The following SHANK2 variants were observed in gnomAD, a reference collection of about 807,000 sequenced individuals.
SHANK2 encodes SH3 and multiple ankyrin repeat domains 2.
Under a neutral mutation model 133.7 loss-of-function variants are expected in SHANK2, and 43 were observed. The ratio of observed to expected loss-of-function variants is 0.32; its 90% confidence interval spans 0.25 to 0.41. The LOEUF (loss-of-function observed/expected upper bound fraction) is 0.41, where lower values mean the gene tolerates loss of function less well. Among genes scored for constraint, SHANK2 ranks in the 10% least tolerant of loss-of-function variants. The probability of loss-of-function intolerance (pLI) is 1.00; values close to 1 mark genes in which losing one functional copy is unlikely to be tolerated. For missense variants in SHANK2, 1,994 were observed against 2,235.8 expected (o/e 0.89, Z 2.18); for synonymous variants, 1,017 against 952.8 (o/e 1.07, Z -1.24).
intron 14 of SHANK2, among the ~76,000 whole-genome samples, chr11:70,723,920 A>T (rs1221889956): frequency 1.3e-5 from 2 of 152,142 alleles, no homozygotes; most frequent in East Asian, 3.9e-4. Flanking sequence ...CTCTAGGGAC[A>T]GAAATAAGAG....
chr11:70,579,446 C>T (rs75284067), intron 17 of SHANK2, among the ~76,000 whole-genome samples: 4,478 of 152,326 alleles, frequency 0.029, 107 homozygotes, highest in East Asian at 0.097. Context: ...GTGGCGCTTG[C>T]AGGCCACCCC....
chr11:71,123,861 A>G (rs1490788374), intron 3 of SHANK2, among the ~76,000 whole-genome samples: 14 of 152,078 alleles, frequency 9.2e-5, no homozygotes, highest in Non-Finnish European at 2.1e-4. Flanking sequence ...TTGAGCTTCT[A>G]TCTTCTGTGC....
At chr11:70,712,787 CA>C (rs1266640007) in intron 14 of SHANK2, among the ~76,000 whole-genome samples, 2 of 152,240 alleles carry the variant, frequency 1.3e-5, no homozygotes, top group Non-Finnish European at 2.9e-5. Flanking sequence ...ACCACATGCT[CA>C]GGGGGCCACG....
chr11:70,661,034 G>A (rs1225447739), intron 16 of SHANK2, among the ~76,000 whole-genome samples: 1 of 152,348 alleles, frequency 6.6e-6, no homozygotes, highest in East Asian at 1.9e-4. Context: ...GACGGGCCAC[G>A]TAACGTGTGT....
intron 14 of SHANK2, among the ~76,000 whole-genome samples, chr11:70,702,297 T>TTCACCATCATCACCA (rs1945546087): frequency 7.1e-6 from 1 of 140,286 alleles, no homozygotes; most frequent in African/African-American, 2.7e-5. Context: ...CACCATCTTC[T>TTCACCATCATCACCA]TCACCATCAT....
In SHANK2 at chr11:70,807,137, G is replaced by A. The variant is rs975028045; in HGVS notation, c.1528C>T (p.Leu510Phe). The change falls in exon 13 of 26, where the codon CTC (leucine) becomes TTC (phenylalanine). Residue 510 changes from leucine (L) to phenylalanine (F), a missense_variant. Coordinates refer to ENST00000601538, the MANE Select transcript of SHANK2 (RefSeq NM_012309.5). This position sits in a 1 kb window ranked among gnomAD's most constrained non-coding sequence, Gnocchi z 4.8. ...PFALGANKDSLSAFEYPGPKR... is the reference protein window; with the variant it reads ...PFALGANKDSFSAFEYPGPKR... Reference sequence around the variant, plus strand: ...GGCCCCGGGTACTCGAAGGCCGAGAGTGAGTCCTTGTTGGCACCAAGAGCA... The same window carrying A: ...GGCCCCGGGTACTCGAAGGCCGAGAATGAGTCCTTGTTGGCACCAAGAGCA... 2.5e-5 allele frequency: 18 copies of A among 718,050 alleles called. No homozygotes were observed. In the East Asian group the frequency reaches 3.5e-4, roughly 14 times the overall value. 44.5% of individuals were successfully genotyped at this position (718,050 alleles called of 1,614,324 possible). A position where few individuals can be genotyped will look rare whatever the true frequency, so the allele number is the denominator to read the frequency against.
intron 10 of SHANK2, among the ~76,000 whole-genome samples, chr11:70,915,713 C>T (rs550688068): frequency 2.6e-5 from 4 of 152,232 alleles, no homozygotes; most frequent in African/African-American, 7.2e-5. Context: ...GCCTGCCTCG[C>T]GGGACGGACG....
chr11:71,222,102 G>A (rs912331079), intron 2 of SHANK2, among the ~76,000 whole-genome samples: 3 of 151,842 alleles, frequency 2.0e-5, no homozygotes, highest in East Asian at 3.9e-4. Flanking sequence ...CCAGATCATC[G>A]ACATCCCCAA....
intron 17 of SHANK2, among the ~76,000 whole-genome samples, chr11:70,556,937 G>C (rs1212168430): frequency 6.6e-6 from 1 of 151,868 alleles, no homozygotes; most frequent in South Asian, 2.1e-4. Context: ...TGCCCAGGCT[G>C]GTCTCCAATT....
At chr11:70,696,010 T>C (rs1467213620) in intron 15 of SHANK2, among the ~76,000 whole-genome samples, 1 of 152,208 alleles carries the variant, frequency 6.6e-6, no homozygotes, top group Non-Finnish European at 1.5e-5. Flanking sequence ...TCCCAGGACC[T>C]GGCAGAACAG....
intron 17 of SHANK2, among the ~76,000 whole-genome samples, chr11:70,645,834 A>G (rs1359058730): frequency 1.3e-5 from 2 of 150,668 alleles, no homozygotes; most frequent in Non-Finnish European, 2.9e-5. Context: ...GCCCTGCCAC[A>G]GCAGGGCATA....
At chr11:70,526,169 G>A (rs1324989347) in intron 17 of SHANK2, among the ~76,000 whole-genome samples, 1 of 152,198 alleles carries the variant, frequency 6.6e-6, no homozygotes, top group Non-Finnish European at 1.5e-5. Flanking sequence ...GAATAAGGTG[G>A]ATTCTGGCCG....
chr11:70,855,132 C>G (rs890849414), intron 11 of SHANK2, among the ~76,000 whole-genome samples: 4 of 152,246 alleles, frequency 2.6e-5, no homozygotes, highest in Admixed American at 2.6e-4. Flanking sequence ...GCTGTTTGCA[C>G]AGCAGGCTCG....
chr11:70,820,258 G>A (rs1303140490), intron 12 of SHANK2, 106 bp downstream of exon 12: 4 of 579,248 alleles, frequency 6.9e-6, no homozygotes, highest in Admixed American at 3.2e-5. Context: ...ATCTGGGTTG[G>A]AATAAAATGG....
intron 10 of SHANK2, among the ~76,000 whole-genome samples, chr11:70,941,352 G>C (rs1286956138): frequency 6.6e-6 from 1 of 152,214 alleles, no homozygotes; most frequent in Non-Finnish European, 1.5e-5. Flanking sequence ...GATGACAGCA[G>C]GCCGTGTGTT....
chr11:70,864,758 G>C (rs1949326182), intron 11 of SHANK2: 1 of 152,298 alleles, frequency 6.6e-6, no homozygotes, highest in Non-Finnish European at 1.5e-5. Flanking sequence ...GGATATGGTG[G>C]TGTGAACCTG....
chr11:71,092,003 G>A (rs1246006451), intron 8 of SHANK2, among the ~76,000 whole-genome samples: 1 of 152,212 alleles, frequency 6.6e-6, no homozygotes, highest in Non-Finnish European at 1.5e-5. Context: ...CCCCTCGTGC[G>A]TGCAAATCAG....
At chr11:70,631,404 A>ACACACACACACC (rs1555002170) in intron 17 of SHANK2, among the ~76,000 whole-genome samples, 30 of 149,280 alleles carry the variant, frequency 2.0e-4, no homozygotes, top group African/African-American at 6.9e-4. Context: ...ACACACACAC[A>ACACACACACACC]CACACCCACA....
chr11:70,937,352 T>C (rs1350975213), intron 10 of SHANK2, among the ~76,000 whole-genome samples: 1 of 152,186 alleles, frequency 6.6e-6, no homozygotes, highest in Non-Finnish European at 1.5e-5. Flanking sequence ...AAGCCCCAAA[T>C]GCCTTCAGTG....
Sources: allele counts gnomAD v4.1 joint callset (sites outside exome capture counted in the v4.1 genomes callset), GRCh38; gene constraint gnomAD v4.1.1; non-coding constraint Gnocchi (gnomAD v3.1); transcripts MANE v1.5; gene names NCBI Gene and HGNC (gene_info 2026-07-23, HGNC 2026-07-21).